The following COBLL1 variants were observed in gnomAD, a reference collection of about 807,000 sequenced individuals.
The protein encoded by COBLL1 is cordon-bleu protein-like 1.
In COBLL1, 50 loss-of-function variants were observed where a neutral mutation model predicts 94.8. That is an observed-to-expected ratio of 0.53 (90% CI 0.42 to 0.67). COBLL1 has a LOEUF of 0.67. COBLL1 is among the 30% of genes least tolerant of loss of function. COBLL1 has a pLI of 0.00. For missense variants in COBLL1, 1,362 were observed against 1,348.7 expected, an observed-to-expected ratio of 1.01 and a Z score of -0.15; for synonymous variants, 448 against 473.8, an observed-to-expected ratio of 0.95 and a Z score of 0.71.
At chr2:164,794,759 T>TA (rs572657691) in intron 2 of COBLL1, among the ~76,000 whole-genome samples, 1 of 151,640 alleles carries the variant, frequency 6.6e-6, no homozygotes, top group Non-Finnish European at 1.5e-5. Flanking sequence ...TTCAACCCCC[T>TA]CATGAAGACT....
chr2:164,737,319 C>G lies in COBLL1; in HGVS notation c.230+6368G>C, dbSNP rs984361607. ...AATACTTTGTCACCCCTTTCCCAAC[C>G]AGGGGAGCAGGCAGGTGACAGAGGC... On this transcript the variant is annotated intron_variant, in intron 3 of 13. Coordinates refer to ENST00000652658, the MANE Select transcript of COBLL1 (RefSeq NM_001365672.2). Among the ~76,000 whole-genome samples the G allele has an allele frequency of 3.9e-5, 6 of 152,120 alleles. No individual in the cohort carries two copies. In the South Asian group the frequency reaches 8.3e-4, roughly 21 times the overall value.
intron 7 of COBLL1, among the ~76,000 whole-genome samples, chr2:164,708,696 T>G (rs1315351489): frequency 1.3e-5 from 2 of 152,212 alleles, no homozygotes; most frequent in Non-Finnish European, 2.9e-5. Flanking sequence ...TGTAAAGCCC[T>G]ATTAAAGCCA....
intron 2 of COBLL1, among the ~76,000 whole-genome samples, chr2:164,803,117 G>A (rs1480750029): frequency 6.6e-6 from 1 of 152,084 alleles, no homozygotes; most frequent in Non-Finnish European, 1.5e-5. Context: ...TTGGTCAAAG[G>A]ATAAGAACCA....
At chr2:164,781,649 A>C (rs922962453) in intron 2 of COBLL1, among the ~76,000 whole-genome samples, 1 of 152,200 alleles carries the variant, frequency 6.6e-6, no homozygotes, top group African/African-American at 2.4e-5. Flanking sequence ...GCAGGACTTG[A>C]ACCTAGGCAG....
chr2:164,741,407 G>T (rs997379190), intron 3 of COBLL1, among the ~76,000 whole-genome samples: 3 of 151,872 alleles, frequency 2.0e-5, no homozygotes, highest in Middle Eastern at 3.2e-3. Context: ...ATTTGACATT[G>T]AATTGCTGTC....
At chr2:164,795,110 T>G (rs545906410) in intron 2 of COBLL1, among the ~76,000 whole-genome samples, 14 of 152,166 alleles carry the variant, frequency 9.2e-5, no homozygotes, top group Non-Finnish European at 1.9e-4. Flanking sequence ...TAATCAAATA[T>G]GCTTATTTTG....
intron 1 of COBLL1, among the ~76,000 whole-genome samples, chr2:164,673,986 T>C (rs1293415765): frequency 6.6e-6 from 1 of 152,238 alleles, no homozygotes; most frequent in African/African-American, 2.4e-5. Context: ...TGTAGGAAGG[T>C]AGAATTGGTA....
intron 1 of COBLL1, among the ~76,000 whole-genome samples, chr2:164,669,500 G>T (rs1691213867): frequency 6.6e-6 from 1 of 152,172 alleles, no homozygotes; most frequent in Admixed American, 6.5e-5. Context: ...TTGCAACATG[G>T]TCTGTTTCCA....
intron 2 of COBLL1, among the ~76,000 whole-genome samples, chr2:164,662,763 C>T (rs879103545): frequency 3.3e-5 from 5 of 152,134 alleles, no homozygotes; most frequent in Admixed American, 2.0e-4. Flanking sequence ...TGTGTGACAA[C>T]TCCCCTCACA....
At chr2:164,741,561 C>T (rs939058744) in intron 3 of COBLL1, among the ~76,000 whole-genome samples, 1 of 151,736 alleles carries the variant, frequency 6.6e-6, no homozygotes, top group Admixed American at 6.6e-5. Context: ...CCAATAGGCG[C>T]CAAGCCCTGA....
intron 2 of COBLL1, among the ~76,000 whole-genome samples, chr2:164,661,834 T>G (rs1691074391): frequency 6.6e-6 from 1 of 152,222 alleles, no homozygotes; most frequent in Non-Finnish European, 1.5e-5. Context: ...TTTAATTATT[T>G]GTGTTTTTCA....
intron 2 of COBLL1, among the ~76,000 whole-genome samples, chr2:164,782,424 A>AAGCATTATTTTATATCAACT (rs1359336962): frequency 1.3e-4 from 20 of 152,196 alleles, no homozygotes; most frequent in Admixed American, 1.2e-3. Flanking sequence ...TGAGCAAGAA[A>AAGCATTATTTTATATCAACT]GATCAAACCA....
chr2:164,676,503 C>T (rs1302914024), downstream of COBLL1, among the ~76,000 whole-genome samples: 2 of 152,100 alleles, frequency 1.3e-5, no homozygotes, highest in African/African-American at 2.4e-5. Context: ...GAGATGGCAT[C>T]AAATGGTTAA....
intron 2 of COBLL1, among the ~76,000 whole-genome samples, chr2:164,818,131 T>G (rs979757150): frequency 6.6e-6 from 1 of 151,420 alleles, no homozygotes; most frequent in East Asian, 1.9e-4. Flanking sequence ...TGTACATATA[T>G]GTACATGTAT....
rs541367344 is a variant in COBLL1, at chr2:164,798,230, T to C, written c.41+42926A>G. Among the ~76,000 whole-genome samples, 11 of 152,378 alleles carry C rather than the reference T, an allele frequency of 7.2e-5. No homozygotes were observed. In the South Asian group the frequency reaches 2.3e-3, roughly 32 times the overall value. ...GGGAGTTTGTTCCTTCTTTAAAATA[T>C]CTGCCTTCACATCTCATCATTTACT... On this transcript the variant is annotated intron_variant, in intron 2 of 13. Transcript: ENST00000652658.
intron 3 of COBLL1, among the ~76,000 whole-genome samples, chr2:164,739,905 A>G (rs111363735): frequency 3.8e-4 from 58 of 152,326 alleles, no homozygotes; most frequent in African/African-American, 1.3e-3. Context: ...CAGCTGTGAC[A>G]CTCAAGACAT....
downstream of COBLL1, chr2:164,680,158 A>T (rs1384531854): frequency 6.6e-6 from 1 of 152,040 alleles, no homozygotes; most frequent in East Asian, 1.9e-4. Context: ...GTCTTTATCC[A>T]TATGAATAGA....
intron 2 of COBLL1, among the ~76,000 whole-genome samples, chr2:164,753,945 C>T (rs1388456967): frequency 6.6e-6 from 1 of 151,852 alleles, no homozygotes; most frequent in African/African-American, 2.4e-5. Context: ...GTTGGCCAGG[C>T]TGGTCATGAA....
chr2:164,731,628 T>C (rs566314642), intron 3 of COBLL1, among the ~76,000 whole-genome samples: 2 of 152,320 alleles, frequency 1.3e-5, no homozygotes, highest in African/African-American at 2.4e-5. Flanking sequence ...TTTTTACAGA[T>C]GGAGGCATAG....
Sources: allele counts gnomAD v4.1 joint callset (sites outside exome capture counted in the v4.1 genomes callset), GRCh38; gene constraint gnomAD v4.1.1; transcripts MANE v1.5; gene names NCBI Gene and HGNC (gene_info 2026-07-23, HGNC 2026-07-21).